Variants in ABAT observed in about 807,000 individuals in gnomAD.
ABAT encodes 4-aminobutyrate aminotransferase.
In ABAT, 45 loss-of-function variants were observed where a neutral mutation model predicts 64.6. The observed-to-expected ratio is 0.70, with a 90% CI of 0.55 to 0.89. ABAT has a LOEUF of 0.89. Among genes scored for constraint, ABAT ranks in the 40% least tolerant of loss-of-function variants. The pLI, the probability that ABAT is intolerant of heterozygous loss-of-function variation, is 0.00. For synonymous variants in ABAT, 297 were observed against 250.5 expected, an observed-to-expected ratio of 1.19 and a Z score of -1.75; for missense variants, 633 against 658.4, an observed-to-expected ratio of 0.96 and a Z score of 0.42.
chr16:8,771,230 G>C (rs900274360), intron 11 of ABAT, among the ~76,000 whole-genome samples: 2 of 151,806 alleles, frequency 1.3e-5, no homozygotes, highest in Admixed American at 6.6e-5. Flanking sequence ...GGGAGGTGGT[G>C]GTTGCGGTGA....
intron 1 of ABAT, among the ~76,000 whole-genome samples, chr16:8,701,455 G>T (rs2057820496): frequency 6.6e-6 from 1 of 152,232 alleles, no homozygotes; most frequent in Non-Finnish European, 1.5e-5. Flanking sequence ...GAGAGGGTGA[G>T]ACCTGCCTGG....
rs774984620 is a variant in ABAT, at chr16:8,764,219, G to A, written c.447+70G>A. 1.8e-5 allele frequency: 23 copies of A among 1,261,156 alleles called. No homozygotes were observed. The African/African-American group carries it at 1.9e-4, about 10-fold the overall frequency. 78.1% of individuals were successfully genotyped at this position (1,261,156 alleles called of 1,614,324 possible). On this transcript the variant is annotated intron_variant, in intron 7 of 15. Transcript: ENST00000268251. The surrounding 1 kb of genome is among the most constrained non-coding windows in gnomAD (Gnocchi z 4.2). ...GGCAGGGGAAGGGAAAAGTGGAGAC[G>A]CCAACAATGAAGAATAAGGTGTTGC...
intron 1 of ABAT, among the ~76,000 whole-genome samples, chr16:8,706,056 T>C (rs1298633901): frequency 1.3e-5 from 2 of 152,126 alleles, no homozygotes; most frequent in African/African-American, 4.8e-5. Flanking sequence ...AGTGTGCCTG[T>C]TGGGAGTGTT....
At chr16:8,760,825 A>T (rs766278317) in intron 6 of ABAT, among the ~76,000 whole-genome samples, 6 of 152,214 alleles carry the variant, frequency 3.9e-5, no homozygotes, top group Non-Finnish European at 7.3e-5. Context: ...CTGTAATCTC[A>T]GCACTCTGGG....
At chr16:8,711,968 G>T (rs2058087798) in intron 1 of ABAT, among the ~76,000 whole-genome samples, 1 of 149,854 alleles carries the variant, frequency 6.7e-6, no homozygotes, top group Admixed American at 6.8e-5. Flanking sequence ...GGCCAGGTGC[G>T]GTGGCTCATG....
intron 11 of ABAT, among the ~76,000 whole-genome samples, chr16:8,771,036 C>G (rs1050134071): frequency 2.0e-5 from 3 of 152,106 alleles, no homozygotes; most frequent in African/African-American, 4.8e-5. Flanking sequence ...TGGCTCATGC[C>G]TGTAACTGCG....
At chr16:8,711,772 A>AGGGATGGG (rs1567279793) in intron 1 of ABAT, among the ~76,000 whole-genome samples, 1 of 122,736 alleles carries the variant, frequency 8.1e-6, no homozygotes, top group Admixed American at 8.5e-5. Flanking sequence ...AGATGGATGG[A>AGGGATGGG]TGGATGGATG....
chr16:8,743,444 T>TATATATATATATATATATACACAC (rs368568293), intron 2 of ABAT, among the ~76,000 whole-genome samples: 2 of 117,670 alleles, frequency 1.7e-5, no homozygotes, highest in South Asian at 5.3e-4. Context: ...TATATATATA[T>TATATATATATATATATATACACAC]ACACACATTT....
At chr16:8,702,208 C>T (rs193140662) in intron 1 of ABAT, among the ~76,000 whole-genome samples, 20 of 151,398 alleles carry the variant, frequency 1.3e-4, no homozygotes, top group Admixed American at 2.0e-4. Context: ...GAAGGGGGAG[C>T]AGGCATCTTA....
Position 8,776,485 on chromosome 16 carries a change from C to G in ABAT, c.1264C>G (p.Leu422Val), listed in dbSNP as rs551195241. Residue 422 changes from leucine (L) to valine (V), a missense_variant, in exon 14 of 16, where the codon CTC becomes GTC. Leu to Val is a conservative substitution (Grantham distance 32). Coordinates refer to ENST00000268251, the MANE Select transcript of ABAT (RefSeq NM_020686.6). The surrounding 1 kb of genome is among the most constrained non-coding windows in gnomAD (Gnocchi z 4.4). Reference sequence around the variant, plus strand: ...GGCCCTGCTCACAGGACTGCTGGACCTCCAGGTAACACCCCCTCCCCTGCC... The same window carrying G: ...GGCCCTGCTCACAGGACTGCTGGACGTCCAGGTAACACCCCCTCCCCTGCC... ...GKALLTGLLD[L>V]QARYPQFISR... is the part of the protein sequence containing the mutation. The G allele has an allele frequency of 5.6e-6, 9 of 1,613,210 alleles. No homozygotes were observed. In the South Asian group the frequency reaches 8.8e-5, roughly 16 times the overall value.
Position 8,766,242 on chromosome 16 carries a change from A to G in ABAT, c.575A>G (p.Glu192Gly). ...AGAGGGCAGAGGGGCTTCTCCCAGG[A>G]GGAGCTGGAGACGTGCATGATTAAC... ...KERGQRGFSQ[E>G]ELETCMINQA... The change falls in exon 9 of 16, where the codon GAG becomes GGG. Residue 192 changes from glutamate to glycine, a missense_variant. By Grantham distance (98) the Glu-to-Gly change is moderately conservative. Coordinates refer to ENST00000268251, the MANE Select transcript of ABAT (RefSeq NM_020686.6). The G allele has an allele frequency of 6.2e-7, 1 of 1,614,144 alleles. No homozygotes were observed. The highest frequency in any genetic ancestry group is 8.5e-7 in the Non-Finnish European group (1 of 1,179,990).
At chr16:8,761,219 C>CCT (rs2059787667) in intron 6 of ABAT, among the ~76,000 whole-genome samples, 4 of 145,544 alleles carry the variant, frequency 2.7e-5, no homozygotes, top group Non-Finnish European at 3.0e-5. Context: ...TCTCTCTGCC[C>CCT]TCTCACCTCG....
At chr16:8,745,978 C>G (rs1264534890) in intron 2 of ABAT, 23 bp from the exon 3 acceptor site, 1 of 1,608,574 alleles carries the variant, frequency 6.2e-7, no homozygotes, top group East Asian at 2.2e-5. Flanking sequence ...CCAGGGATTT[C>G]TCATTGTCTT....
At chr16:8,676,586 G>A (rs370720946) in intron 1 of ABAT, among the ~76,000 whole-genome samples, 6 of 152,194 alleles carry the variant, frequency 3.9e-5, no homozygotes, top group African/African-American at 1.2e-4. Context: ...TACCCCGTGC[G>A]ATCTTTGTGT....
In ABAT at chr16:8,782,113, G is replaced by A. The variant is rs546892541; in HGVS notation, c.*683G>A. ...CCTGGACAGGGCTTTGCCCTTGGAG[G>A]ATCCCCAGGTGGCCTTACCCGTGAT... On this transcript the variant is annotated 3_prime_UTR_variant, in exon 16 of 16. Coordinates refer to ENST00000268251, the MANE Select transcript of ABAT (RefSeq NM_020686.6). 6.5e-6 allele frequency: 1 copy of A among 153,564 alleles called. No homozygotes were observed. The highest frequency in any genetic ancestry group is 2.0e-4 in the South Asian group (1 of 4,888). The allele number at this position is 153,564 out of a possible 1,614,324, so 9.5% of individuals were successfully genotyped here.
At chr16:8,761,000 G>A (rs1340630775) in intron 6 of ABAT, among the ~76,000 whole-genome samples, 4 of 152,148 alleles carry the variant, frequency 2.6e-5, no homozygotes, top group Non-Finnish European at 5.9e-5. Flanking sequence ...GATCGCTTGA[G>A]CCCAGGAAGT....
chr16:8,758,138 T>A (rs1415327252), intron 6 of ABAT, among the ~76,000 whole-genome samples: 1 of 152,226 alleles, frequency 6.6e-6, no homozygotes, highest in African/African-American at 2.4e-5. Flanking sequence ...CCAAACACTG[T>A]GTTCAGCACT....
chr16:8,729,322 TAGG>T (rs1359981390), intron 1 of ABAT, among the ~76,000 whole-genome samples: 1 of 84,262 alleles, frequency 1.2e-5, no homozygotes, highest in East Asian at 2.9e-4. Context: ...CAAAAACAGC[TAGG>T]AGTTTTGTTA....
At chr16:8,758,207 A>G (rs1194099234) in intron 6 of ABAT, among the ~76,000 whole-genome samples, 2 of 152,160 alleles carry the variant, frequency 1.3e-5, no homozygotes, top group African/African-American at 2.4e-5. Flanking sequence ...CCCATTTTTC[A>G]GATGCAGAAA....
Sources: gnomAD v4.1 joint callset for allele counts (sites outside exome capture counted in the v4.1 genomes callset) on GRCh38, gnomAD v4.1.1 for gene constraint, Gnocchi (gnomAD v3.1) non-coding constraint, MANE v1.5 for transcripts, NCBI Gene and HGNC (gene_info 2026-07-23, HGNC 2026-07-21) for gene names.